GPHN: variants seen among roughly 807,000 people sequenced by gnomAD.
The protein encoded by GPHN is gephyrin.
A neutral mutation model predicts 95.5 loss-of-function variants in GPHN; 17 were observed. The ratio of observed to expected loss-of-function variants is 0.18; its 90% CI spans 0.12 to 0.27. The LOEUF is 0.27. Among genes scored for constraint, GPHN ranks in the 10% least tolerant of loss-of-function variants. GPHN has a pLI of 1.00. For missense variants in GPHN, 660 were observed against 978.1 expected (o/e 0.67, Z 4.34); for synonymous variants, 320 against 322.5 (o/e 0.99, Z 0.08).
At chr14:66,996,750 A>G (rs2071829010) in intron 9 of GPHN, among the ~76,000 whole-genome samples, 1 of 152,150 alleles carries the variant, frequency 6.6e-6, no homozygotes, top group Non-Finnish European at 1.5e-5. Context: ...ATCTCATTAG[A>G]TGACTTTAAT....
At chr14:66,895,983 A>G (rs2064827153) in intron 5 of GPHN, among the ~76,000 whole-genome samples, 1 of 152,168 alleles carries the variant, frequency 6.6e-6, no homozygotes, top group African/African-American at 2.4e-5. Context: ...GAAGTCCACA[A>G]TCAAGGTGCC....
At chr14:66,751,220 T>C (rs112957154) in intron 2 of GPHN, among the ~76,000 whole-genome samples, 78 of 152,096 alleles carry the variant, frequency 5.1e-4, no homozygotes, top group African/African-American at 1.6e-3. Context: ...AATAATGGGA[T>C]TGCTGGGTTG....
the GPHN span, chr14:67,562,736 A>C: frequency 6.2e-7 from 1 of 1,613,726 alleles, no homozygotes; most frequent in Non-Finnish European, 8.5e-7. Flanking sequence ...GTCCCGAGCT[A>C]GGTCCCGGGA....
the GPHN span, among the ~76,000 whole-genome samples, chr14:67,396,664 C>T: frequency 2.0e-5 from 3 of 152,252 alleles, no homozygotes; most frequent in African/African-American, 4.8e-5. Flanking sequence ...GAATGACTGC[C>T]TCTCTCCTTG....
chr14:66,920,702 A>G (rs531900841), intron 6 of GPHN, among the ~76,000 whole-genome samples: 1 of 151,044 alleles, frequency 6.6e-6, no homozygotes, highest in South Asian at 2.1e-4. Context: ...ACCGAGAGGT[A>G]TACACTGCAC....
At chr14:67,080,772 C>T (rs1398690168) in intron 11 of GPHN, among the ~76,000 whole-genome samples, 1 of 152,048 alleles carries the variant, frequency 6.6e-6, no homozygotes, top group Non-Finnish European at 1.5e-5. Flanking sequence ...CGACCCTTTC[C>T]CCCAAGTCCC....
intron 1 of GPHN, among the ~76,000 whole-genome samples, chr14:66,664,133 T>C (rs1302186854): frequency 6.6e-6 from 1 of 152,186 alleles, no homozygotes; most frequent in African/African-American, 2.4e-5. Context: ...ATGGACCTGA[T>C]ATATATCTAC....
chr14:66,555,917 A>T (rs997332999), intron 1 of GPHN, among the ~76,000 whole-genome samples: 6 of 152,180 alleles, frequency 3.9e-5, no homozygotes, highest in African/African-American at 1.4e-4. Flanking sequence ...TCTGAGAAAT[A>T]CATAATTTGG....
Position 66,552,799 on chromosome 14 carries a change from C to T in GPHN, c.64+44208C>T, listed in dbSNP as rs373023357. Among the ~76,000 whole-genome samples the T allele has an allele frequency of 9.9e-5, 15 of 152,212 alleles. No individual in the cohort carries two copies. The East Asian group carries it at 2.7e-3, about 28-fold the overall frequency. On this transcript the variant is annotated intron_variant, in intron 1 of 22. Transcript: ENST00000478722. ...GGCTGGGAATAATTCTTATTTCTCC[C>T]ATACATGATGTCTCCCTGCCTCCCT... is the stretch of plus-strand genomic sequence containing the variant.
intron 1 of GPHN, among the ~76,000 whole-genome samples, chr14:66,596,431 C>T: frequency 6.6e-6 from 1 of 152,186 alleles, no homozygotes; most frequent in South Asian, 2.1e-4. Flanking sequence ...CCCATGGTGC[C>T]CAGGCTGTTT....
the GPHN span, among the ~76,000 whole-genome samples, chr14:67,189,170 GTTATACTATTGCT>G: frequency 6.6e-6 from 1 of 152,112 alleles, no homozygotes; most frequent in East Asian, 1.9e-4. Flanking sequence ...TTTTCCCGTG[GTTATACTATTGCT>G]AAATTGACTT....
chr14:66,619,636 A>C (rs1203494439), intron 1 of GPHN, among the ~76,000 whole-genome samples: 1 of 152,166 alleles, frequency 6.6e-6, no homozygotes, highest in Non-Finnish European at 1.5e-5. Context: ...ATATGCTTGT[A>C]AATATTTACA....
intron 20 of GPHN, among the ~76,000 whole-genome samples, chr14:67,166,520 C>G (rs2082286660): frequency 2.0e-5 from 3 of 152,174 alleles, no homozygotes; most frequent in Admixed American, 6.5e-5. Flanking sequence ...GAAACCTTAT[C>G]TGCTCAGCCT....
intron 5 of GPHN, among the ~76,000 whole-genome samples, chr14:66,906,365 G>C: frequency 6.6e-6 from 1 of 152,146 alleles, no homozygotes; most frequent in Non-Finnish European, 1.5e-5. Context: ...GCAGGGACAG[G>C]TCTACTGCCA....
At chr14:67,124,670 C>T (rs2079195251) in intron 17 of GPHN, among the ~76,000 whole-genome samples, 1 of 152,110 alleles carries the variant, frequency 6.6e-6, no homozygotes. Flanking sequence ...GGGTTATTTC[C>T]CTCCTACCAA....
intron 11 of GPHN, among the ~76,000 whole-genome samples, chr14:67,079,998 A>C (rs1341486836): frequency 6.6e-6 from 1 of 152,078 alleles, no homozygotes; most frequent in East Asian, 1.9e-4. Context: ...AGGAACTTCC[A>C]TACTATTTTA....
the GPHN span, among the ~76,000 whole-genome samples, chr14:67,209,679 G>A: frequency 6.6e-6 from 1 of 151,726 alleles, no homozygotes; most frequent in African/African-American, 2.4e-5. Context: ...TTAGCCAGGT[G>A]TGGTGGCAGG....
intron 4 of GPHN, among the ~76,000 whole-genome samples, chr14:66,858,031 A>T (rs895646638): frequency 6.6e-6 from 1 of 152,214 alleles, no homozygotes; most frequent in Non-Finnish European, 1.5e-5. Flanking sequence ...AGTTTTGGCA[A>T]GCCTTGCCAC....
the GPHN span, among the ~76,000 whole-genome samples, chr14:67,368,903 A>T: frequency 6.6e-6 from 1 of 152,292 alleles, no homozygotes; most frequent in African/African-American, 2.4e-5. Context: ...AAAGCCAAAG[A>T]TATATTAAAA....
Sources: allele counts gnomAD v4.1 joint callset (sites outside exome capture counted in the v4.1 genomes callset), GRCh38; gene constraint gnomAD v4.1.1; transcripts MANE v1.5; gene names NCBI Gene and HGNC (gene_info 2026-07-23, HGNC 2026-07-21).